Variants in ZNF76 observed in about 807,000 individuals in gnomAD.
ZNF76 encodes zinc finger protein 76, also known as zinc finger protein 523.
A neutral mutation model predicts 66.9 loss-of-function variants in ZNF76; 66 were observed. The ratio of observed to expected loss-of-function variants is 0.99; its 90% confidence interval spans 0.81 to 1.21. ZNF76 has a LOEUF of 1.21. Ranked by LOEUF, ZNF76 falls within the 50% of genes most tolerant of loss-of-function variation. ZNF76 has a pLI of 0.00. For synonymous variants in ZNF76, 275 were observed against 296.1 expected (o/e 0.93, Z 0.73); for missense variants, 729 against 760.3 (o/e 0.96, Z 0.48).
At chr6:35,269,968 A>T (rs947500463) in intron 1 of ZNF76, among the ~76,000 whole-genome samples, 7 of 152,156 alleles carry the variant, frequency 4.6e-5, no homozygotes, top group African/African-American at 1.7e-4. Context: ...TTTGCTGTAG[A>T]TCAGTAACAT....
chr6:35,277,243 T>A (rs1788050807), intron 1 of ZNF76, among the ~76,000 whole-genome samples: 1 of 152,180 alleles, frequency 6.6e-6, no homozygotes, highest in Non-Finnish European at 1.5e-5. Context: ...AGCAGAGCTC[T>A]TGTGAGACAG....
upstream of ZNF76, chr6:35,259,591 G>C (rs1361868280): frequency 3.3e-5 from 5 of 152,358 alleles, no homozygotes; most frequent in East Asian, 7.7e-4. Context: ...ACCAGGATAA[G>C]TTGGATGGCT....
At position 35,292,673 on chromosome 6, in the gene ZNF76, G is replaced by A. The variant is rs771933940; in HGVS notation, c.1051G>A (p.Gly351Ser). Reference sequence around the variant, plus strand: ...CAAGCCCTACACCTGCAGCACCTGCGGCAAGACCTACCGGCAGACCTCCAC... The same window carrying A: ...CAAGCCCTACACCTGCAGCACCTGCAGCAAGACCTACCGGCAGACCTCCAC... ...HCKPYTCSTC[G>S]KTYRQTSTLA... The change falls in exon 10 of 14, where the codon GGC (glycine) becomes AGC (serine). Residue 351 changes from glycine to serine, a missense_variant. By Grantham distance (56) the Gly-to-Ser change is moderately conservative (BLOSUM62 0). Transcript: ENST00000373953. This position sits in a 1 kb window ranked among gnomAD's most constrained non-coding sequence, Gnocchi z 4.7. The A allele has an allele frequency of 2.5e-5, 40 of 1,614,050 alleles. No individual in the cohort carries two copies. Among genetic ancestry groups the A allele is most frequent in the African/African-American group, 1.2e-4 (9 of 74,922 alleles).
Position 35,295,479 on chromosome 6 carries a change from C to A in ZNF76, c.*231C>A, listed in dbSNP as rs547523102. On this transcript the variant is annotated 3_prime_UTR_variant, in exon 14 of 14. Transcript: ENST00000373953. ...CATCATCCTCGGGAGCTGACAACAG[C>A]CAGGCTACACCAGGGCACCCGCCTC... 2.6e-5 allele frequency: 14 copies of A among 535,946 alleles called. No individual in the cohort carries two copies. Among genetic ancestry groups the A allele is most frequent in the African/African-American group, 2.3e-4 (12 of 52,810 alleles). The allele number at this position is 535,946 out of a possible 1,614,324, so 33.2% of individuals were successfully genotyped here. A position where few individuals can be genotyped will look rare whatever the true frequency, so the allele number is the denominator to read the frequency against.
Position 35,272,275 on chromosome 6 carries a change from C to G in ZNF76, c.-96-8781C>G, listed in dbSNP as rs374416269. ...TGGGCAACATAGCAAGACCCCATCT[C>G]TACAAAAATAAGTAAATAGAGATAG... On this transcript the variant is annotated intron_variant, in intron 1 of 13. Transcript: ENST00000373953. Among the ~76,000 whole-genome samples, 10 of 152,254 alleles carry G rather than the reference C, an allele frequency of 6.6e-5. No individual in the cohort carries two copies. In the East Asian group the frequency reaches 1.7e-3, roughly 26 times the overall value.
chr6:35,294,153 T>C (rs2150380236), intron 12 of ZNF76: 2 of 599,036 alleles, frequency 3.3e-6, no homozygotes, highest in East Asian at 5.7e-5. Context: ...TGTGCAACCT[T>C]AGGCAAATCA....
At position 35,292,027 on chromosome 6, in the gene ZNF76, T is replaced by A; in HGVS notation, c.931+290T>A. ...AGTTCTCCAACTCTGACTGAACTCT[T>A]GAAAAGAGGCCAGGGTCAGGAATGA... is the stretch of plus-strand genomic sequence containing the variant. On this transcript the variant is annotated intron_variant, in intron 9 of 13. Coordinates refer to ENST00000373953, the MANE Select transcript of ZNF76 (RefSeq NM_003427.5). This position sits in a 1 kb window ranked among gnomAD's most constrained non-coding sequence, Gnocchi z 4.7. 1 of 516,294 alleles carries A rather than the reference T, an allele frequency of 1.9e-6. No homozygotes were observed. The highest frequency in any genetic ancestry group is 2.2e-5 in the South Asian group (1 of 45,596). The allele number at this position is 516,294 out of a possible 1,614,324, so 32.0% of individuals were successfully genotyped here.
intron 13 of ZNF76, 141 bp downstream of exon 13, chr6:35,294,710 T>C (rs879340134): frequency 1.4e-6 from 1 of 707,302 alleles, no homozygotes. Flanking sequence ...CCTTTCCTCC[T>C]GCATCCATGC....
chr6:35,264,979 T>C (rs1785785019), intron 1 of ZNF76, among the ~76,000 whole-genome samples: 1 of 152,024 alleles, frequency 6.6e-6, no homozygotes, highest in African/African-American at 2.4e-5. Context: ...TTCCCCTTCT[T>C]GCCTAAAGGT....
Position 35,292,686 on chromosome 6 carries a change from G to T in ZNF76, c.1064G>T (p.Arg355Leu). The T allele has an allele frequency of 6.2e-7, 1 of 1,614,148 alleles. No homozygotes were observed. Among genetic ancestry groups the T allele is most frequent in the Non-Finnish European group, 8.5e-7 (1 of 1,180,036 alleles). Reference sequence around the variant, plus strand: ...TGCAGCACCTGCGGCAAGACCTACCGGCAGACCTCCACCTTGGCCATGCAC... The same window carrying T: ...TGCAGCACCTGCGGCAAGACCTACCTGCAGACCTCCACCTTGGCCATGCAC... ...YTCSTCGKTY[R>L]QTSTLAMHKR... The change falls in exon 10 of 14, where the codon CGG becomes CTG. Residue 355 changes from arginine to leucine, a missense_variant. By Grantham distance (102) the Arg-to-Leu change is moderately radical. Transcript: ENST00000373953. This position sits in a 1 kb window ranked among gnomAD's most constrained non-coding sequence, Gnocchi z 4.7.
intron 1 of ZNF76, among the ~76,000 whole-genome samples, chr6:35,264,652 C>T (rs1003801087): frequency 6.6e-6 from 1 of 152,126 alleles, no homozygotes; most frequent in African/African-American, 2.4e-5. Flanking sequence ...TGGAAAACAC[C>T]TCAGAGCAAA....
At chr6:35,266,958 G>A (rs914607336) in intron 1 of ZNF76, among the ~76,000 whole-genome samples, 8 of 149,660 alleles carry the variant, frequency 5.3e-5, no homozygotes, top group East Asian at 2.0e-4. Context: ...CCACCACCGC[G>A]CCCGGCTAAT....
intron 1 of ZNF76, among the ~76,000 whole-genome samples, chr6:35,261,682 A>G (rs1581997223): frequency 6.6e-6 from 1 of 152,234 alleles, no homozygotes; most frequent in East Asian, 1.9e-4. Flanking sequence ...ATTTTCTAGT[A>G]ATTCCTAAAT....
chr6:35,281,609 T>C (rs1359604172), intron 2 of ZNF76, among the ~76,000 whole-genome samples: 1 of 152,084 alleles, frequency 6.6e-6, no homozygotes, highest in Non-Finnish European at 1.5e-5. Flanking sequence ...ATTCAAACAT[T>C]CAAACTACTA....
chr6:35,273,158 A>G lies in ZNF76; in HGVS notation c.-96-7898A>G, dbSNP rs924008200. Among the ~76,000 whole-genome samples the G allele has an allele frequency of 8.4e-4, 126 of 150,680 alleles. 1 individual carries two copies. The highest frequency in any genetic ancestry group is 7.1e-4 in the Non-Finnish European group (48 of 67,656). ...GCAACAGAGTGAGACTCTGTCTCAG[A>G]AAAAAAACAAAAAACAAAAAACAAA... On this transcript the variant is annotated intron_variant, in intron 1 of 13. Transcript: ENST00000373953.
rs773088609 is a variant in ZNF76 at position 35,287,792 on chromosome 6, G to T, written c.379G>T (p.Asp127Tyr). 5.6e-6 allele frequency: 9 copies of T among 1,613,160 alleles called. No individual in the cohort carries two copies. Among genetic ancestry groups the T allele is most frequent in the Admixed American group, 3.3e-5 (2 of 59,922 alleles). ...VGLEDLAAED[D>Y]EGFSADAVVA... ...CTTGGAGGACCTGGCAGCAGAGGAT[G>T]ATGAGGGCTTCAGTGCAGACGCAGT... Residue 127 changes from aspartate (D) to tyrosine (Y), a missense_variant, in exon 5 of 14, where the codon GAT (aspartate) becomes TAT (tyrosine). Transcript: ENST00000373953. This position sits in a 1 kb window ranked among gnomAD's most constrained non-coding sequence, Gnocchi z 4.0.
Position 35,281,130 on chromosome 6 carries a change from A to C in ZNF76, c.-22A>C. Reference sequence around the variant, plus strand: ...TGGCCAGAAGCCAACTTCATGTCTGAGTGCACGAGCAGCAGTTTGCCATGG... The same window carrying C: ...TGGCCAGAAGCCAACTTCATGTCTGCGTGCACGAGCAGCAGTTTGCCATGG... On this transcript the variant is annotated 5_prime_UTR_variant, in exon 2 of 14. Coordinates refer to ENST00000373953, the MANE Select transcript of ZNF76 (RefSeq NM_003427.5). 1 of 1,613,710 alleles carries C rather than the reference A, an allele frequency of 6.2e-7. No individual in the cohort carries two copies.
chr6:35,279,186 TGAG>T (rs1258238290), intron 1 of ZNF76: 3 of 164,452 alleles, frequency 1.8e-5, no homozygotes, highest in Non-Finnish European at 4.4e-5. Flanking sequence ...CTTAAGTCCT[TGAG>T]GGGCACAGCG....
rs1329503572 is a variant in ZNF76 at position 35,266,825 on chromosome 6, G to A, written c.-97+6984G>A. ...TTTTTTTTTTTTTTTTTTTTGAGACGGAGTCTCGCTCGTCACCCAGGCTGA... is the reference window on the plus strand; with the variant it reads ...TTTTTTTTTTTTTTTTTTTTGAGACAGAGTCTCGCTCGTCACCCAGGCTGA... On this transcript the variant is annotated intron_variant, in intron 1 of 13. Coordinates refer to ENST00000373953, the MANE Select transcript of ZNF76 (RefSeq NM_003427.5). 1.2e-4 allele frequency among the ~76,000 whole-genome samples: 12 copies of A among 101,960 alleles called. No homozygotes were observed. The East Asian group carries it at 2.6e-3, about 22-fold the overall frequency. The allele number at this position is 101,960 out of a possible 152,430, so 66.9% of individuals were successfully genotyped here. A position where few individuals can be genotyped will look rare whatever the true frequency, so the allele number is the denominator to read the frequency against.
Sources: gnomAD v4.1 joint callset for allele counts (sites outside exome capture counted in the v4.1 genomes callset) on GRCh38, gnomAD v4.1.1 for gene constraint, Gnocchi (gnomAD v3.1) non-coding constraint, MANE v1.5 for transcripts, NCBI Gene and HGNC (gene_info 2026-07-23, HGNC 2026-07-21) for gene names.